The following USP9X variants were observed in gnomAD, a reference collection of about 807,000 sequenced individuals.
The protein encoded by USP9X is ubiquitin specific peptidase 9 X-linked.
Under a neutral mutation model 190.3 loss-of-function variants are expected in USP9X, and 7 were observed. The ratio of observed to expected loss-of-function variants is 0.04; its 90% CI spans 0.02 to 0.07. The LOEUF is 0.07. Among genes scored for constraint, USP9X ranks in the 10% least tolerant of loss-of-function variants. USP9X has a pLI of 1.00. For missense variants in USP9X, 1,010 were observed against 1,916.9 expected, an observed-to-expected ratio of 0.53 and a Z score of 8.83; for synonymous variants, 645 against 659.5, an observed-to-expected ratio of 0.98 and a Z score of 0.34.
At chrX:41,205,135 T>C (rs2063079383) in intron 31 of USP9X, 168 bp from the exon 32 acceptor site, 1 of 396,186 alleles carries the variant, frequency 2.5e-6, no homozygotes. Context: ...ATAACTAATA[T>C]GTGAAATGGT....
At chrX:41,229,111 A>G (rs529636560) in intron 41 of USP9X, 142 bp from the exon 42 acceptor site, 1 of 409,370 alleles carries the variant, frequency 2.4e-6, no homozygotes, top group South Asian at 9.3e-5. Flanking sequence ...TAAATAAAAA[A>G]TAAAGGTTTA....
intron 26 of USP9X, among the ~76,000 whole-genome samples, chrX:41,195,123 G>A (rs760590480): frequency 1.9e-3 from 201 of 108,516 alleles, no homozygotes; most frequent in Admixed American, 3.1e-3. Context: ...TGCAACCTCC[G>A]CCTTCCGGGT....
intron 1 of USP9X, among the ~76,000 whole-genome samples, chrX:41,091,478 C>T (rs931258498): frequency 8.9e-6 from 1 of 111,963 alleles, no homozygotes; most frequent in African/African-American, 3.2e-5. Flanking sequence ...TTAATTTTGT[C>T]CTCACAATTC....
chrX:41,182,690 G>A (rs1175217087), intron 21 of USP9X, among the ~76,000 whole-genome samples: 2 of 109,971 alleles, frequency 1.8e-5, no homozygotes, highest in African/African-American at 3.3e-5. Context: ...CCAATAATAG[G>A]AATTAAACTG....
chrX:41,137,831 T>C (rs950522834), intron 6 of USP9X, among the ~76,000 whole-genome samples: 10 of 111,089 alleles, frequency 9.0e-5, no homozygotes, highest in South Asian at 7.4e-4. Context: ...ATAATGGCAG[T>C]CTTCAAAATG....
At chrX:41,111,759 G>C (rs1270748864) in intron 1 of USP9X, among the ~76,000 whole-genome samples, 1 of 111,477 alleles carries the variant, frequency 9.0e-6, no homozygotes, top group East Asian at 2.8e-4. Context: ...GCTGGGGTTA[G>C]CTGCAAGATG....
In USP9X at chrX:41,153,051, T is replaced by C. The variant is rs1370319163; in HGVS notation, c.1867T>C (p.Tyr623His). 1 of 1,208,758 alleles carries C rather than the reference T, an allele frequency of 8.3e-7. No individual in the cohort carries two copies. The stretch of plus-strand genomic sequence containing the variant: ...TTTGGTAGCAGAAAACCTTGCAACT[T>C]ACATGGAAAGCATGAGACTATATGC... ...VTLVAENLAT[Y>H]MESMRLYARD... The change falls in exon 14 of 45, where the codon TAC becomes CAC. Residue 623 changes from tyrosine to histidine, a missense_variant. Coordinates refer to ENST00000378308, the MANE Select transcript of USP9X (RefSeq NM_001039591.3).
chrX:41,197,537 C>T, intron 29 of USP9X, 27 bp downstream of exon 29: 1 of 1,178,922 alleles, frequency 8.5e-7, no homozygotes, highest in Non-Finnish European at 1.1e-6. Flanking sequence ...TGGTTGTAAG[C>T]TACATATCAT....
rs34179321 is a variant in USP9X, at chrX:41,099,096, G to GTTTTTTTTTTTTTTTT, written c.-159+12998_-159+13013dup. On this transcript the variant is annotated intron_variant, in intron 1 of 44. Transcript: ENST00000378308. Reference sequence around the variant, plus strand: ...CACATGCCATAATGCCCAGATAATTGTTTTTTTTTTTTTTTTTTTTTTTTT... The same window carrying GTTTTTTTTTTTTTTTT: ...CACATGCCATAATGCCCAGATAATTGTTTTTTTTTTTTTTTTTTTTTTTTTTTTTTTTTTTTTTTTT... Among the ~76,000 whole-genome samples, 18 of 44,266 alleles carry GTTTTTTTTTTTTTTTT rather than the reference G, an allele frequency of 4.1e-4. 1 individual carries two copies. Among genetic ancestry groups the GTTTTTTTTTTTTTTTT allele is most frequent in the Admixed American group, 1.1e-3 (3 of 2,621 alleles). 38.4% of individuals were successfully genotyped at this position (44,266 alleles called of 115,157 possible). A position where few individuals can be genotyped will look rare whatever the true frequency, so the allele number is the denominator to read the frequency against.
At chrX:41,208,634 C>A (rs2063128042) in intron 32 of USP9X, among the ~76,000 whole-genome samples, 1 of 111,435 alleles carries the variant, frequency 9.0e-6, no homozygotes, top group Non-Finnish European at 1.9e-5. Context: ...AACATTTTGC[C>A]ATATTTGCTT....
intron 11 of USP9X, among the ~76,000 whole-genome samples, chrX:41,147,547 G>A (rs1335772003): frequency 4.0e-5 from 4 of 101,058 alleles, no homozygotes; most frequent in African/African-American, 1.5e-4. Flanking sequence ...TCCACTTCCT[G>A]GATTCAAGCA....
chrX:41,143,209 T>C lies in USP9X; in HGVS notation c.1162-82T>C, dbSNP rs532526070. On this transcript the variant is annotated intron_variant, in intron 9 of 44. Transcript: ENST00000378308. ...TGTAAATGTGTTTTGAATTTCCTTATATTATTTAATAATAGTGTGAGCAAT... is the reference window on the plus strand; with the variant it reads ...TGTAAATGTGTTTTGAATTTCCTTACATTATTTAATAATAGTGTGAGCAAT... The C allele has an allele frequency of 1.8e-4, 124 of 696,803 alleles. No individual in the cohort carries two copies. In the South Asian group the frequency reaches 6.6e-3, roughly 37 times the overall value. 57.4% of individuals were successfully genotyped at this position (696,803 alleles called of 1,213,427 possible).
chrX:41,143,207 T>A, intron 9 of USP9X, 84 bp from the exon 10 acceptor site: 2 of 692,495 alleles, frequency 2.9e-6, no homozygotes, highest in Non-Finnish European at 3.9e-6. Context: ...TGAATTTCCT[T>A]ATATTATTTA....
chrX:41,085,795 A>T lies in USP9X; in HGVS notation c.-473A>T, dbSNP rs1026669782. Reference sequence around the variant, plus strand: ...GGAGGAGGTGACGCAGGAGAAACGCACCGCCCGGAGCCCGTCTGAGCTCAG... The same window carrying T: ...GGAGGAGGTGACGCAGGAGAAACGCTCCGCCCGGAGCCCGTCTGAGCTCAG... On this transcript the variant is annotated 5_prime_UTR_variant, in exon 1 of 45. Transcript: ENST00000378308. 2.7e-5 allele frequency: 8 copies of T among 296,793 alleles called. No homozygotes were observed. The highest frequency in any genetic ancestry group is 2.2e-4 in the African/African-American group (8 of 36,328). 24.5% of individuals were successfully genotyped at this position (296,793 alleles called of 1,213,427 possible).
intron 9 of USP9X, 86 bp downstream of exon 9, chrX:41,141,517 A>G (rs1215924683): frequency 5.4e-6 from 5 of 919,418 alleles, no homozygotes; most frequent in Non-Finnish European, 7.0e-6. Context: ...AATTAGTAAT[A>G]GTAACATTTT....
intron 6 of USP9X, among the ~76,000 whole-genome samples, chrX:41,137,830 G>A (rs7890062): frequency 0.13 from 14,666 of 109,653 alleles, 892 homozygotes; most frequent in East Asian, 0.21. Context: ...AATAATGGCA[G>A]TCTTCAAAAT....
chrX:41,209,332 A>G (rs1401661864), intron 32 of USP9X, among the ~76,000 whole-genome samples: 1 of 110,919 alleles, frequency 9.0e-6, no homozygotes, highest in Non-Finnish European at 1.9e-5. Context: ...TCGCACTGAA[A>G]TTTTTAAAGA....
At chrX:41,197,343 C>CCCCCCCCCCCCCCCT in intron 28 of USP9X, 21 bp from the exon 29 acceptor site, 1 of 737,393 alleles carries the variant, frequency 1.4e-6, no homozygotes, top group Non-Finnish European at 1.7e-6. Flanking sequence ...CCCCCCCCAC[C>CCCCCCCCCCCCCCCT]CCACCCCCCG....
intron 3 of USP9X, among the ~76,000 whole-genome samples, chrX:41,130,434 G>C (rs978943813): frequency 1.8e-5 from 2 of 109,429 alleles, no homozygotes; most frequent in South Asian, 4.0e-4. Flanking sequence ...AAGTTCTCAG[G>C]GGGGAGAAAA....
Sources: allele counts gnomAD v4.1 joint callset (sites outside exome capture counted in the v4.1 genomes callset), GRCh38; gene constraint gnomAD v4.1.1; transcripts MANE v1.5; gene names NCBI Gene and HGNC (gene_info 2026-07-23, HGNC 2026-07-21).